Variants in FAM107B observed in about 807,000 individuals in gnomAD.
FAM107B encodes protein FAM107B.
FAM107B carries 21 observed loss-of-function variants against 31.5 expected under a neutral mutation model. The ratio of observed to expected loss-of-function variants is 0.67; its 90% CI spans 0.47 to 0.96. FAM107B has a LOEUF of 0.96. FAM107B is among the 40% of genes least tolerant of loss of function. The probability of loss-of-function intolerance (pLI) is 0.00; values close to 1 mark genes in which losing one functional copy is unlikely to be tolerated. For missense variants in FAM107B, 452 were observed against 377.1 expected (o/e 1.20, Z -1.64); for synonymous variants, 157 against 141.5 (o/e 1.11, Z -0.78).
intron 1 of FAM107B, among the ~76,000 whole-genome samples, chr10:14,751,136 A>C (rs1442021386): frequency 2.0e-5 from 3 of 152,210 alleles, no homozygotes; most frequent in East Asian, 3.9e-4. Context: ...TGGGCTCTGC[A>C]CATCTGCTGC....
At chr10:14,676,698 G>A (rs75801793) in intron 1 of FAM107B, among the ~76,000 whole-genome samples, 5,183 of 152,258 alleles carry the variant, frequency 0.034, 285 homozygotes, top group African/African-American at 0.12. Context: ...CTTGCAGTAT[G>A]TCAGAGAAAC....
At chr10:14,581,016 A>G (rs1851617443) in intron 2 of FAM107B, among the ~76,000 whole-genome samples, 1 of 152,234 alleles carries the variant, frequency 6.6e-6, no homozygotes, top group African/African-American at 2.4e-5. Flanking sequence ...AGCAAGAACT[A>G]AAGCAAGTCT....
intron 1 of FAM107B, among the ~76,000 whole-genome samples, chr10:14,687,719 C>T (rs1299629204): frequency 6.6e-6 from 1 of 152,142 alleles, no homozygotes; most frequent in Non-Finnish European, 1.5e-5. Flanking sequence ...TCCATTTCTG[C>T]CTCTAAAAGT....
intron 2 of FAM107B, among the ~76,000 whole-genome samples, chr10:14,633,194 CAAAA>C (rs60159128): frequency 8.1e-6 from 1 of 123,752 alleles, no homozygotes; most frequent in African/African-American, 3.0e-5. Flanking sequence ...GACTCTGTCT[CAAAA>C]AAAAAAAAAA....
At chr10:14,729,091 C>T (rs1004833172) in intron 1 of FAM107B, among the ~76,000 whole-genome samples, 3 of 152,034 alleles carry the variant, frequency 2.0e-5, no homozygotes, top group African/African-American at 7.3e-5. Context: ...CTTCTGGGCT[C>T]AAGCAGTCCT....
chr10:14,667,781 A>C, intron 1 of FAM107B, 90 bp from the exon 2 acceptor site: 6 of 1,352,664 alleles, frequency 4.4e-6, no homozygotes, highest in Non-Finnish European at 6.3e-6. Context: ...CCTACTAATT[A>C]ATATGAGATC....
intron 1 of FAM107B, among the ~76,000 whole-genome samples, chr10:14,673,299 C>T (rs1489024554): frequency 6.6e-6 from 1 of 152,116 alleles, no homozygotes; most frequent in East Asian, 1.9e-4. Flanking sequence ...TCCCCCTAAC[C>T]TTCCCAGCCT....
At chr10:14,709,300 C>T (rs368080319) in intron 1 of FAM107B, among the ~76,000 whole-genome samples, 1 of 152,248 alleles carries the variant, frequency 6.6e-6, no homozygotes, top group East Asian at 1.9e-4. Context: ...TTTCAGGCTG[C>T]CAATAAAGAC....
chr10:14,570,856 T>C (rs1400662708), intron 2 of FAM107B, among the ~76,000 whole-genome samples: 1 of 113,286 alleles, frequency 8.8e-6, no homozygotes, highest in Non-Finnish European at 1.9e-5. Context: ...GTTGTGGTCA[T>C]GTGTTCATTT....
At chr10:14,593,354 A>C (rs1852080192) in intron 2 of FAM107B, among the ~76,000 whole-genome samples, 1 of 152,162 alleles carries the variant, frequency 6.6e-6, no homozygotes, top group South Asian at 2.1e-4. Flanking sequence ...AAACTGTTCT[A>C]CCAGCAACCA....
chr10:14,575,422 C>T (rs1564581953), intron 2 of FAM107B, among the ~76,000 whole-genome samples: 1 of 152,062 alleles, frequency 6.6e-6, no homozygotes, highest in Non-Finnish European at 1.5e-5. Flanking sequence ...AGGCTGGTCT[C>T]GAATTCCTGA....
chr10:14,745,817 A>T (rs1451888804), intron 1 of FAM107B, among the ~76,000 whole-genome samples: 1 of 152,142 alleles, frequency 6.6e-6, no homozygotes, highest in Non-Finnish European at 1.5e-5. Context: ...TATCAAGTCC[A>T]CTTAATCCAG....
At chr10:14,770,055 T>A (rs1269535265) in intron 1 of FAM107B, among the ~76,000 whole-genome samples, 1 of 152,170 alleles carries the variant, frequency 6.6e-6, no homozygotes, top group Non-Finnish European at 1.5e-5. Context: ...GTGTTTGTAT[T>A]CCATCCGGTG....
chr10:14,625,565 C>G (rs1365263487), intron 2 of FAM107B, among the ~76,000 whole-genome samples: 1 of 152,170 alleles, frequency 6.6e-6, no homozygotes, highest in Non-Finnish European at 1.5e-5. Context: ...TGCCTGGCAG[C>G]TGTGACATGG....
intron 2 of FAM107B, among the ~76,000 whole-genome samples, chr10:14,646,927 G>A (rs1297229718): frequency 6.6e-6 from 1 of 150,890 alleles, no homozygotes; most frequent in Admixed American, 6.6e-5. Context: ...CCAAGTAGCT[G>A]GGACTATAGG....
intron 1 of FAM107B, among the ~76,000 whole-genome samples, chr10:14,733,755 GA>G (rs1164969749): frequency 2.0e-5 from 3 of 152,298 alleles, no homozygotes; most frequent in African/African-American, 7.2e-5. Context: ...TGCCCAAGAT[GA>G]AACAGTGAGT....
At chr10:14,569,538 T>C (rs947169374) in intron 2 of FAM107B, among the ~76,000 whole-genome samples, 1 of 152,026 alleles carries the variant, frequency 6.6e-6, no homozygotes, top group Non-Finnish European at 1.5e-5. Context: ...TAGAAAAAAA[T>C]ATAGCAGAAA....
chr10:14,666,861 C>T (rs1471743956), intron 2 of FAM107B, among the ~76,000 whole-genome samples: 1 of 152,158 alleles, frequency 6.6e-6, no homozygotes, highest in South Asian at 2.1e-4. Context: ...TTTCCTCCCA[C>T]TTTGCATACT....
At chr10:14,618,833 TA>T (rs377273734) in intron 2 of FAM107B, among the ~76,000 whole-genome samples, 13 of 148,654 alleles carry the variant, frequency 8.7e-5, no homozygotes, top group East Asian at 3.9e-4. Context: ...TGAGACTGCT[TA>T]AAAAAAAAAT....
Sources: allele counts gnomAD v4.1 joint callset (sites outside exome capture counted in the v4.1 genomes callset), GRCh38; gene constraint gnomAD v4.1.1; transcripts MANE v1.5; gene names NCBI Gene and HGNC (gene_info 2026-07-23, HGNC 2026-07-21).